The following TBC1D26 variants were observed in gnomAD, a reference collection of about 807,000 sequenced individuals.
TBC1D26 encodes TBC1 domain family member 26.
In TBC1D26, 19 loss-of-function variants were observed where a neutral mutation model predicts 42.5. The observed-to-expected ratio is 0.45, with a 90% CI of 0.31 to 0.66. The LOEUF (loss-of-function observed/expected upper bound fraction) is 0.66, where lower values mean the gene tolerates loss of function less well. Ranked by LOEUF, TBC1D26 falls within the 30% of genes least tolerant of loss-of-function variation. The pLI is 0.06. For missense variants in TBC1D26, 228 were observed against 332.6 expected (o/e 0.69, Z 2.45); for synonymous variants, 97 against 123.5 (o/e 0.79, Z 1.42).
intron 10 of TBC1D26, chr17:15,741,503 A>G (rs1967779603): frequency 1.9e-6 from 1 of 513,180 alleles, no homozygotes; most frequent in East Asian, 3.6e-5. Flanking sequence ...GCCAGCCCCA[A>G]CTTTGTGCAG....
rs532040467 is a variant in TBC1D26 at position 15,740,071 on chromosome 17, A to C, written c.498-29A>C. The C allele has an allele frequency of 1.1e-3, 1,820 of 1,599,734 alleles. 5 individuals carry two copies. In the African/African-American group the frequency reaches 0.021, roughly 18 times the overall value. On this transcript the variant is annotated intron_variant, in intron 8 of 14. Transcript: ENST00000437605. The stretch of plus-strand genomic sequence containing the variant: ...TTGACAGCGTCTGCACACACACAAA[A>C]AAAAAACCCTCTTTCCCCTCTTTTC...
Position 15,741,122 on chromosome 17 carries a change from G to C in TBC1D26, c.547G>C (p.Glu183Gln), listed in dbSNP as rs765045391. Residue 183 changes from glutamate (E) to glutamine (Q), a missense_variant and splice_region_variant, in exon 10 of 15, where the codon GAG becomes CAG. By Grantham distance (29) the Glu-to-Gln change is conservative. Around this residue, in one of 5 missense-constraint regions of TBC1D26, gnomAD observed 130 missense variants for 168.5 expected, o/e 0.77. Transcript: ENST00000437605. ...TCCACGGTGACTCTGGCTCTTGCAG[G>C]AGGTGGGCTACCACAGGGACCTGAG... The part of the protein sequence containing the change: ...ILVAYSAYNP[E>Q]VGYHRDLSRI... 1.1e-5 allele frequency: 18 copies of C among 1,610,082 alleles called. No homozygotes were observed. Among genetic ancestry groups the C allele is most frequent in the East Asian group, 2.2e-5 (1 of 44,872 alleles).
intron 9 of TBC1D26, chr17:15,740,703 T>A: frequency 9.2e-7 from 1 of 1,085,130 alleles, no homozygotes; most frequent in Non-Finnish European, 1.1e-6. Context: ...CCACCCCTTA[T>A]GTCCGGCAGG....
chr17:15,733,872 T>C (rs1369598550), intron 1 of TBC1D26: 1 of 152,232 alleles, frequency 6.6e-6, no homozygotes, highest in Non-Finnish European at 1.5e-5. Flanking sequence ...CGCACACAGG[T>C]GTCTGGTTCT....
intron 5 of TBC1D26, 31 bp downstream of exon 5, chr17:15,737,554 T>C (rs1307720133): frequency 1.9e-6 from 3 of 1,605,064 alleles, no homozygotes; most frequent in Admixed American, 1.7e-5. Flanking sequence ...CGTGGGAGGC[T>C]GCTTCAGGGA....
chr17:15,744,023 A>T (rs1483216880), intron 14 of TBC1D26, among the ~76,000 whole-genome samples: 3 of 151,950 alleles, frequency 2.0e-5, no homozygotes, highest in Non-Finnish European at 4.4e-5. Context: ...GGGCTGAACT[A>T]TTCAGAACTC....
At chr17:15,743,982 G>A (rs1967858150) in intron 14 of TBC1D26, among the ~76,000 whole-genome samples, 1 of 151,776 alleles carries the variant, frequency 6.6e-6, no homozygotes, top group Non-Finnish European at 1.5e-5. Context: ...AGATAACAAA[G>A]GTTTGCCACA....
intron 13 of TBC1D26, 67 bp downstream of exon 13, chr17:15,743,075 A>C (rs934948736): frequency 6.5e-6 from 1 of 152,972 alleles, no homozygotes; most frequent in African/African-American, 2.4e-5. Flanking sequence ...GCCTGAGGGA[A>C]GTGTCCTTAC....
At chr17:15,743,293 C>T in intron 13 of TBC1D26, 74 bp from the exon 14 acceptor site, 1 of 813,996 alleles carries the variant, frequency 1.2e-6, no homozygotes, top group South Asian at 5.6e-5. Flanking sequence ...GGGAGGTGGG[C>T]CTGGTAGAAA....
chr17:15,738,996 C>A (rs935080539), intron 8 of TBC1D26, among the ~76,000 whole-genome samples, 166 bp downstream of exon 8: 3 of 146,258 alleles, frequency 2.1e-5, no homozygotes, highest in Admixed American at 1.4e-4. Context: ...CATCTCCCGG[C>A]TCTAAGCTCT....
chr17:15,734,444 T>C (rs968625105), intron 1 of TBC1D26, among the ~76,000 whole-genome samples: 3 of 151,182 alleles, frequency 2.0e-5, no homozygotes, highest in Non-Finnish European at 4.4e-5. Flanking sequence ...CATCTAGGAG[T>C]GCGGTGGGGA....
At chr17:15,737,784 G>C in intron 5 of TBC1D26, 1 of 799,790 alleles carries the variant, frequency 1.3e-6, no homozygotes, top group Non-Finnish European at 2.0e-6. Context: ...CCAAAACTTG[G>C]GGCATTTATG....
rs1290573799 is a variant in TBC1D26 at position 15,742,081 on chromosome 17, C to G, written c.741+45C>G. ...AGCTCCTAACCAGACGCCCTGGCCC[C>G]CATAGGCCAGGGGAGGCTCAAGTCC... On this transcript the variant is annotated intron_variant, in intron 11 of 14. Coordinates refer to ENST00000437605, the MANE Select transcript of TBC1D26 (RefSeq NM_001388465.1). 4 of 1,552,862 alleles carry G rather than the reference C, an allele frequency of 2.6e-6. No homozygotes were observed. The African/African-American group carries it at 5.4e-5, about 21-fold the overall frequency.
intron 11 of TBC1D26, 133 bp downstream of exon 11, chr17:15,742,169 T>C (rs1277714509): frequency 4.0e-6 from 3 of 745,784 alleles, no homozygotes; most frequent in Admixed American, 5.7e-5. Flanking sequence ...GGATTCCCCA[T>C]GGATTCAGCG....
intron 2 of TBC1D26, 127 bp downstream of exon 2, chr17:15,735,197 G>C (rs1415728833): frequency 3.4e-6 from 3 of 870,488 alleles, no homozygotes; most frequent in Non-Finnish European, 5.5e-6. Context: ...AGTCAGGGGT[G>C]GGACCACTGA....
chr17:15,735,438 G>A lies in TBC1D26; in HGVS notation c.75+15G>A, dbSNP rs200204898. 3,911 of 1,608,552 alleles carry A rather than the reference G, an allele frequency of 2.4e-3. 23 individuals carry two copies. In the Middle Eastern group the frequency reaches 0.029, roughly 12 times the overall value. On this transcript the variant is annotated intron_variant, in intron 3 of 14. Coordinates refer to ENST00000437605, the MANE Select transcript of TBC1D26 (RefSeq NM_001388465.1). ...AGTATGAGCAGGTACAAGTTGGGCC[G>A]CTCCCTCAAGGGAAGCAGGGCCTCG...
intron 9 of TBC1D26, 128 bp downstream of exon 9, chr17:15,740,276 T>A (rs1252477670): frequency 1.2e-6 from 2 of 1,606,078 alleles, no homozygotes; most frequent in Non-Finnish European, 1.7e-6. Context: ...AGGCAGGACT[T>A]CAGCTCGCTG....
intron 14 of TBC1D26, among the ~76,000 whole-genome samples, 171 bp from the exon 15 acceptor site, chr17:15,744,072 T>C (rs1467638056): frequency 6.6e-6 from 1 of 151,896 alleles, no homozygotes; most frequent in Non-Finnish European, 1.5e-5. Flanking sequence ...AGCAGGAGAC[T>C]CCTGACCCAC....
Position 15,741,936 on chromosome 17 carries a change from T to G in TBC1D26, c.647-6T>G. On this transcript the variant is annotated splice_polypyrimidine_tract_variant and splice_region_variant and intron_variant, in intron 10 of 14. Coordinates refer to ENST00000437605, the MANE Select transcript of TBC1D26 (RefSeq NM_001388465.1). ...CTGATGGGGTGATGGGTCGCGGGCT[T>G]CTCAGTATTCTACAGCCCAAATACT... The G allele has an allele frequency of 1.2e-6, 2 of 1,613,792 alleles. No individual in the cohort carries two copies. Among genetic ancestry groups the G allele is most frequent in the African/African-American group, 1.3e-5 (1 of 75,020 alleles).
Sources: allele counts gnomAD v4.1 joint callset (sites outside exome capture counted in the v4.1 genomes callset), GRCh38; gene constraint gnomAD v4.1.1; regional missense constraint gnomAD v4.1.1; transcripts MANE v1.5; gene names NCBI Gene and HGNC (gene_info 2026-07-23, HGNC 2026-07-21).